Variants in RASAL2 observed in about 807,000 individuals in gnomAD.
RASAL2 encodes the protein RAS protein activator like 2.
RASAL2 carries 58 observed loss-of-function variants against 128.9 expected under a neutral mutation model. The observed-to-expected ratio is 0.45, with a 90% CI of 0.36 to 0.56. The LOEUF (loss-of-function observed/expected upper bound fraction) is 0.56. Ranked by LOEUF, RASAL2 falls within the 20% of genes least tolerant of loss-of-function variation. RASAL2 has a pLI of 0.00. For missense variants in RASAL2, 1,360 were observed against 1,601.6 expected, an observed-to-expected ratio of 0.85 and a Z score of 2.57; for synonymous variants, 561 against 580.8, an observed-to-expected ratio of 0.97 and a Z score of 0.49.
intron 12 of RASAL2, among the ~76,000 whole-genome samples, chr1:178,455,782 G>C (rs1387894282): frequency 2.0e-5 from 3 of 152,124 alleles, no homozygotes; most frequent in Non-Finnish European, 4.4e-5. Flanking sequence ...AAGACCCAAA[G>C]GCAGCTATGC....
chr1:178,464,283 G>T lies in RASAL2; in HGVS notation c.3258G>T (p.Gln1086His). ...AIQRQQTQQV[Q>H]SPVDSATMSP... Reference sequence around the variant, plus strand: ...AATAACTGTTTCTGATGCAGGTTCAGTCACCTGTGGACTCTGCCACAATGT... The same window carrying T: ...AATAACTGTTTCTGATGCAGGTTCATTCACCTGTGGACTCTGCCACAATGT... Residue 1086 changes from glutamine (Q) to histidine (H), a missense_variant, in exon 15 of 18, where the codon CAG (glutamine) becomes CAT (histidine). Coordinates refer to ENST00000367649, the MANE Select transcript of RASAL2 (RefSeq NM_170692.4). The T allele has an allele frequency of 6.2e-7, 1 of 1,606,756 alleles. No individual in the cohort carries two copies. Among genetic ancestry groups the T allele is most frequent in the Non-Finnish European group, 8.5e-7 (1 of 1,176,346 alleles).
intron 1 of RASAL2, among the ~76,000 whole-genome samples, chr1:178,114,698 TC>T (rs1173732534): frequency 1.3e-5 from 2 of 152,076 alleles, no homozygotes; most frequent in Non-Finnish European, 2.9e-5. Context: ...ATTTTTTCTA[TC>T]TTTTAGTAGA....
rs914457898 is a variant in RASAL2 at position 178,155,492 on chromosome 1, G to A, written c.202+60798G>A. ...AAAAAAAAAAAAATTTTAGAAGTACGATGTTGACATCCTATAGTTATAATT... is the reference window on the plus strand; with the variant it reads ...AAAAAAAAAAAAATTTTAGAAGTACAATGTTGACATCCTATAGTTATAATT... On this transcript the variant is annotated intron_variant, in intron 1 of 17. Transcript: ENST00000367649. Among the ~76,000 whole-genome samples the A allele has an allele frequency of 8.0e-5, 12 of 149,224 alleles. 1 individual carries two copies. The highest frequency in any genetic ancestry group is 3.4e-3 in the Middle Eastern group (1 of 290).
At chr1:178,317,430 T>C (rs1283164965) in intron 3 of RASAL2, among the ~76,000 whole-genome samples, 1 of 146,952 alleles carries the variant, frequency 6.8e-6, no homozygotes, top group Non-Finnish European at 1.5e-5. Flanking sequence ...CCTGGACTCT[T>C]TTTGGTTGGT....
At chr1:178,186,912 C>T (rs1379979657) in intron 1 of RASAL2, among the ~76,000 whole-genome samples, 1 of 151,980 alleles carries the variant, frequency 6.6e-6, no homozygotes. Context: ...CAGCCTCCAA[C>T]TCCTGGGCTC....
chr1:178,439,619 A>G (rs1190923465), intron 6 of RASAL2, 44 bp downstream of exon 6: 7 of 1,579,622 alleles, frequency 4.4e-6, no homozygotes, highest in East Asian at 2.3e-5. Context: ...TTAAACAACA[A>G]TTGGATTTTA....
chr1:178,154,927 G>A (rs180769335), intron 1 of RASAL2, among the ~76,000 whole-genome samples: 3 of 152,202 alleles, frequency 2.0e-5, no homozygotes, highest in Admixed American at 1.3e-4. Flanking sequence ...GGGTTCAGGC[G>A]ATTCTCCTGC....
At chr1:178,329,474 C>T (rs1024859875) in intron 3 of RASAL2, among the ~76,000 whole-genome samples, 3 of 152,044 alleles carry the variant, frequency 2.0e-5, no homozygotes, top group African/African-American at 7.2e-5. Flanking sequence ...TCAGAACATC[C>T]ACAATGGGAG....
chr1:178,336,383 A>T (rs181145833), intron 3 of RASAL2, among the ~76,000 whole-genome samples: 1 of 152,180 alleles, frequency 6.6e-6, no homozygotes, highest in Admixed American at 6.5e-5. Flanking sequence ...CATAAGATCT[A>T]TGCTTTTTCT....
intron 3 of RASAL2, among the ~76,000 whole-genome samples, chr1:178,321,201 A>G (rs1668757886): frequency 6.6e-6 from 1 of 151,996 alleles, no homozygotes; most frequent in Non-Finnish European, 1.5e-5. Context: ...CTCCTGTCCC[A>G]GCCTCCCAAG....
intron 4 of RASAL2, among the ~76,000 whole-genome samples, chr1:178,391,971 C>G (rs890458792): frequency 7.9e-5 from 12 of 152,160 alleles, no homozygotes; most frequent in African/African-American, 2.9e-4. Context: ...TTCCGAGCTC[C>G]ATTTTCAGAC....
intron 1 of RASAL2, among the ~76,000 whole-genome samples, chr1:178,143,260 G>A (rs963179787): frequency 1.3e-5 from 2 of 151,690 alleles, no homozygotes; most frequent in African/African-American, 4.8e-5. Flanking sequence ...TATCATAGAT[G>A]TAATGTGTTT....
intron 1 of RASAL2, among the ~76,000 whole-genome samples, chr1:178,154,407 C>T (rs1365125437): frequency 3.1e-4 from 47 of 152,114 alleles, no homozygotes; most frequent in Non-Finnish European, 5.9e-5. Flanking sequence ...CCTTGGCTTC[C>T]CAAAGTGCTG....
intron 1 of RASAL2, among the ~76,000 whole-genome samples, chr1:178,138,077 CT>C (rs1157487601): frequency 6.6e-6 from 1 of 152,106 alleles, no homozygotes; most frequent in Non-Finnish European, 1.5e-5. Context: ...TATTTTCTAC[CT>C]TCTGTTAGCT....
At chr1:178,279,238 T>C (rs1453529671) in intron 1 of RASAL2, among the ~76,000 whole-genome samples, 2 of 152,224 alleles carry the variant, frequency 1.3e-5, no homozygotes, top group Non-Finnish European at 2.9e-5. Flanking sequence ...TTATTAACTT[T>C]TATCAATTTG....
intron 3 of RASAL2, among the ~76,000 whole-genome samples, chr1:178,310,736 G>GGCAGT (rs1362992719): frequency 1.3e-5 from 2 of 152,136 alleles, no homozygotes; most frequent in African/African-American, 4.8e-5. Flanking sequence ...GTGGCTCCAA[G>GGCAGT]GCAGTGCTGC....
intron 1 of RASAL2, among the ~76,000 whole-genome samples, chr1:178,271,800 G>A (rs572921157): frequency 1.6e-4 from 25 of 152,076 alleles, no homozygotes; most frequent in Non-Finnish European, 3.2e-4. Context: ...GGTTTATTGG[G>A]CTTTGCATGA....
intron 3 of RASAL2, among the ~76,000 whole-genome samples, chr1:178,317,856 G>T (rs1250065602): frequency 6.6e-6 from 1 of 151,250 alleles, no homozygotes; most frequent in East Asian, 1.9e-4. Context: ...GTTTGCTCTG[G>T]CTTTTCTAGT....
chr1:178,115,533 A>T (rs1659494035), intron 1 of RASAL2, among the ~76,000 whole-genome samples: 1 of 152,252 alleles, frequency 6.6e-6, no homozygotes, highest in South Asian at 2.1e-4. Flanking sequence ...GATGAAGGGG[A>T]TAACACATGC....
Sources: gnomAD v4.1 joint callset for allele counts (sites outside exome capture counted in the v4.1 genomes callset) on GRCh38, gnomAD v4.1.1 for gene constraint, MANE v1.5 for transcripts, NCBI Gene and HGNC (gene_info 2026-07-23, HGNC 2026-07-21) for gene names.